The following ACYP1 variants were observed in gnomAD, a reference collection of about 807,000 sequenced individuals.
The protein encoded by ACYP1 is acylphosphatase 1.
ACYP1 carries 8 observed loss-of-function variants against 10.4 expected under a neutral mutation model. The ratio of observed to expected loss-of-function variants is 0.77; its 90% CI spans 0.45 to 1.38. The LOEUF (loss-of-function observed/expected upper bound fraction) is 1.38. Ranked by LOEUF, ACYP1 falls within the 40% of genes most tolerant of loss-of-function variation. The pLI is 0.00. For synonymous variants in ACYP1, 38 were observed against 40.8 expected, an observed-to-expected ratio of 0.93 and a Z score of 0.26; for missense variants, 93 against 117.3, an observed-to-expected ratio of 0.79 and a Z score of 0.96.
chr14:75,068,142 T>C (rs1340616327), upstream of ACYP1, among the ~76,000 whole-genome samples: 3 of 150,118 alleles, frequency 2.0e-5, no homozygotes, highest in Admixed American at 2.0e-4. Flanking sequence ...ATACAAAAAA[T>C]TAGCCAGGTG....
chr14:75,060,292 T>C, intron 2 of ACYP1: 1 of 683,558 alleles, frequency 1.5e-6, no homozygotes, highest in Non-Finnish European at 2.6e-6. Context: ...CACAATGAAA[T>C]ATTACCTCAT....
intron 1 of ACYP1, chr14:75,069,191 C>A: frequency 1.3e-6 from 2 of 1,515,712 alleles, no homozygotes; most frequent in South Asian, 1.2e-5. Flanking sequence ...AAGCAAGGAG[C>A]GCGCGCGTGC....
upstream of ACYP1, among the ~76,000 whole-genome samples, chr14:75,065,102 A>AT (rs1349397588): frequency 3.3e-5 from 5 of 152,254 alleles, no homozygotes; most frequent in Admixed American, 2.0e-4. Context: ...GGAACAGGGA[A>AT]TTGTCAAGGG....
At chr14:75,064,468 A>C (rs1893109008), upstream of ACYP1, 2 of 152,254 alleles carry the variant, frequency 1.3e-5, no homozygotes, top group South Asian at 2.1e-4. Flanking sequence ...AAACATCATA[A>C]ATAGCTTGTA....
At chr14:75,061,598 A>T in intron 2 of ACYP1, 1 of 865,134 alleles carries the variant, frequency 1.2e-6, no homozygotes, top group Non-Finnish European at 1.8e-6. Flanking sequence ...TGGGCTATGC[A>T]TACCACTATC....
Position 75,063,494 on chromosome 14 carries a change from C to G in ACYP1, c.60G>C (p.Gly20=), listed in dbSNP as rs1428035576. Residue 20 remains glycine (G), a synonymous_variant, in exon 2 of 3, where the codon GGG becomes GGC. Transcript: ENST00000238618. ...VDYEIFGKVQ[G]VFFRKHTQAE... The stretch of plus-strand genomic sequence containing the variant: ...CCTGAGTATGCTTACGGAAAAACAC[C>G]CCTTGCACCTTCCCAAAAATTTCAT... 6.2e-7 allele frequency: 1 copy of G among 1,613,772 alleles called. No individual in the cohort carries two copies. Among genetic ancestry groups the G allele is most frequent in the Non-Finnish European group, 8.5e-7 (1 of 1,179,912 alleles).
At chr14:75,057,987 A>AAAAAAAAAAAAC (rs1304812247) in intron 2 of ACYP1, among the ~76,000 whole-genome samples, 2 of 147,580 alleles carry the variant, frequency 1.4e-5, no homozygotes, top group Non-Finnish European at 3.0e-5. Flanking sequence ...AAAAAAAAAA[A>AAAAAAAAAAAAC]AGAACTACCT....
At chr14:75,069,453 G>A (rs754705322) in exon 1 of ACYP1, 13 of 569,798 alleles carry the variant, frequency 2.3e-5, no homozygotes, top group Non-Finnish European at 1.5e-5. Context: ...CCCAAGGGCA[G>A]GGCTGGACCG....
chr14:75,069,331 G>C, exon 1 of ACYP1: 1 of 1,393,448 alleles, frequency 7.2e-7, no homozygotes, highest in Non-Finnish European at 9.3e-7. Flanking sequence ...CAGGGCCTCC[G>C]CCCTTTGCCA....
At chr14:75,067,181 CTA>C (rs1491194387), upstream of ACYP1, among the ~76,000 whole-genome samples, 1 of 87,972 alleles carries the variant, frequency 1.1e-5, no homozygotes, top group African/African-American at 4.4e-5. Context: ...ATGTCTGGAA[CTA>C]CACACACACA....
chr14:75,065,017 A>G (rs568852816), upstream of ACYP1, among the ~76,000 whole-genome samples: 5 of 152,364 alleles, frequency 3.3e-5, no homozygotes, highest in East Asian at 9.6e-4. Context: ...CACAAGCAAA[A>G]TAACTCATGG....
At chr14:75,065,823 C>T (rs1261643716), upstream of ACYP1, among the ~76,000 whole-genome samples, 1 of 152,108 alleles carries the variant, frequency 6.6e-6, no homozygotes, top group Non-Finnish European at 1.5e-5. Context: ...GAGGAAACAG[C>T]ATTTAATCCA....
upstream of ACYP1, among the ~76,000 whole-genome samples, chr14:75,068,153 T>C (rs1304258941): frequency 6.8e-6 from 1 of 147,104 alleles, no homozygotes; most frequent in Non-Finnish European, 1.5e-5. Flanking sequence ...TAGCCAGGTG[T>C]AGTGGCAGAC....
At chr14:75,064,374 T>G (rs1893107273), upstream of ACYP1, 1 of 152,342 alleles carries the variant, frequency 6.6e-6, no homozygotes. Context: ...CTGTTCTAGG[T>G]GACCAGGCAA....
chr14:75,058,220 G>A (rs1037137588), intron 2 of ACYP1, among the ~76,000 whole-genome samples: 2 of 150,644 alleles, frequency 1.3e-5, no homozygotes, highest in African/African-American at 4.9e-5. Context: ...AGGCTGAGGC[G>A]GGCGGATCAC....
chr14:75,065,708 T>C (rs1373205409), upstream of ACYP1, among the ~76,000 whole-genome samples: 1 of 151,860 alleles, frequency 6.6e-6, no homozygotes, highest in East Asian at 1.9e-4. Flanking sequence ...TGAAAATCCA[T>C]TGAGAGCTCA....
upstream of ACYP1, among the ~76,000 whole-genome samples, chr14:75,066,056 A>C (rs1295669222): frequency 6.6e-6 from 1 of 152,094 alleles, no homozygotes; most frequent in East Asian, 1.9e-4. Flanking sequence ...CTCAGGCCTC[A>C]CCCCTAGATA....
chr14:75,053,459 G>A lies in ACYP1; in HGVS notation c.285C>T (p.Phe95=). ...ATTCAGGCCATTATTTTACAATTTG[G>A]AAGTCTGAGTAATCCAACTTCAAGA... ...KVILKLDYSD[F]QIVK Residue 95 remains phenylalanine (F), a synonymous_variant, in exon 3 of 3, where the codon TTC becomes TTT. Transcript: ENST00000238618. The A allele has an allele frequency of 1.9e-6, 3 of 1,614,074 alleles. No homozygotes were observed. The highest frequency in any genetic ancestry group is 2.5e-6 in the Non-Finnish European group (3 of 1,180,002).
chr14:75,053,894 T>G (rs575562446), intron 2 of ACYP1, among the ~76,000 whole-genome samples: 1 of 152,364 alleles, frequency 6.6e-6, no homozygotes, highest in African/African-American at 2.4e-5. Flanking sequence ...ACTAGAATTT[T>G]TCACTGTGTA....
Sources: gnomAD v4.1 joint callset for allele counts (sites outside exome capture counted in the v4.1 genomes callset) on GRCh38, gnomAD v4.1.1 for gene constraint, MANE v1.5 for transcripts, NCBI Gene and HGNC (gene_info 2026-07-23, HGNC 2026-07-21) for gene names.